PTK7: variants seen among roughly 807,000 people sequenced by gnomAD.
PTK7 encodes the protein protein tyrosine kinase 7 (inactive), also known as inactive tyrosine-protein kinase 7.
In PTK7, 39 loss-of-function variants were observed where a neutral mutation model predicts 116.6. That is an observed-to-expected ratio of 0.33 (90% CI 0.26 to 0.44). The LOEUF (loss-of-function observed/expected upper bound fraction) is 0.44. Among genes scored for constraint, PTK7 ranks in the 20% least tolerant of loss-of-function variants. The pLI is 1.00. For missense variants in PTK7, 1,169 were observed against 1,425.6 expected, an observed-to-expected ratio of 0.82 and a Z score of 2.90; for synonymous variants, 546 against 563.6, an observed-to-expected ratio of 0.97 and a Z score of 0.44.
In PTK7 at chr6:43,139,469, C is replaced by A; in HGVS notation, c.1562C>A (p.Thr521Lys). 1 of 1,614,220 alleles carries A rather than the reference C, an allele frequency of 6.2e-7. No individual in the cohort carries two copies. The highest frequency in any genetic ancestry group is 8.5e-7 in the Non-Finnish European group (1 of 1,180,040). Reference protein sequence around the residue: ...QQCMEFDKEATVPCSATGREK... With the variant: ...QQCMEFDKEAKVPCSATGREK... The stretch of plus-strand genomic sequence containing the variant: ...TGCATGGAGTTTGACAAGGAGGCCA[C>A]GGTGCCCTGTTCAGCCACAGGCCGA... Residue 521 changes from threonine (T) to lysine (K), a missense_variant, in exon 10 of 20, where the codon ACG (threonine) becomes AAG (lysine). By Grantham distance (78) the Thr-to-Lys change is moderately conservative. Coordinates refer to ENST00000230419, the MANE Select transcript of PTK7 (RefSeq NM_002821.5). The surrounding 1 kb of genome is among the most constrained non-coding windows in gnomAD (Gnocchi z 4.6).
chr6:43,130,219 C>T lies in PTK7; in HGVS notation c.471-11C>T. ...CCCTCCCCACCACTGCTGACTGTGT[C>T]TGCCCTGCAGGCCCACCTACCAATG... On this transcript the variant is annotated splice_polypyrimidine_tract_variant and intron_variant, in intron 3 of 19. Coordinates refer to ENST00000230419, the MANE Select transcript of PTK7 (RefSeq NM_002821.5). 1 of 1,560,294 alleles carries T rather than the reference C, an allele frequency of 6.4e-7. No individual in the cohort carries two copies. Among genetic ancestry groups the T allele is most frequent in the Non-Finnish European group, 8.7e-7 (1 of 1,148,896 alleles).
At chr6:43,126,529 G>C (rs534446694) in intron 1 of PTK7, among the ~76,000 whole-genome samples, 1 of 152,282 alleles carries the variant, frequency 6.6e-6, no homozygotes, top group Non-Finnish European at 1.5e-5. Context: ...GTCTGCAAGA[G>C]GTGTGTCCAC....
chr6:43,102,023 C>T (rs1767611432), intron 1 of PTK7, among the ~76,000 whole-genome samples: 1 of 151,614 alleles, frequency 6.6e-6, no homozygotes, highest in African/African-American at 2.4e-5. Context: ...TGGTGAGACC[C>T]CGTTTCTACT....
chr6:43,158,994 G>C, intron 18 of PTK7, 26 bp downstream of exon 18: 1 of 1,610,588 alleles, frequency 6.2e-7, no homozygotes. Flanking sequence ...TGGGGTGGGG[G>C]CTCCCCATTT....
intron 18 of PTK7, 104 bp downstream of exon 18, chr6:43,159,072 T>A: frequency 6.9e-7 from 1 of 1,439,124 alleles, no homozygotes; most frequent in Non-Finnish European, 9.5e-7. Context: ...AGTGCCTGCT[T>A]AGTCCAAAGC....
chr6:43,118,659 C>CTCTATATATA (rs1212636673), intron 1 of PTK7, among the ~76,000 whole-genome samples: 1 of 52,996 alleles, frequency 1.9e-5, no homozygotes, highest in Non-Finnish European at 3.5e-5. Flanking sequence ...CTCTCTCTCT[C>CTCTATATATA]TATATATATA....
chr6:43,115,436 C>G (rs941888383), intron 1 of PTK7, among the ~76,000 whole-genome samples: 6 of 152,202 alleles, frequency 3.9e-5, no homozygotes, highest in African/African-American at 1.4e-4. Flanking sequence ...TGTCCTCATC[C>G]CCCTGTGCCC....
chr6:43,124,464 G>C (rs944243303), intron 1 of PTK7, among the ~76,000 whole-genome samples: 1 of 151,766 alleles, frequency 6.6e-6, no homozygotes, highest in South Asian at 2.1e-4. Flanking sequence ...TGGGAGGATC[G>C]CTTGAGCTAA....
At chr6:43,087,984 T>C (rs1217807016) in intron 1 of PTK7, among the ~76,000 whole-genome samples, 4 of 152,164 alleles carry the variant, frequency 2.6e-5, no homozygotes, top group Admixed American at 6.5e-5. Flanking sequence ...ACGATCTGCC[T>C]AGCACTACAG....
chr6:43,087,421 G>A (rs1044237504), intron 1 of PTK7, among the ~76,000 whole-genome samples: 5 of 152,090 alleles, frequency 3.3e-5, no homozygotes, highest in Non-Finnish European at 1.5e-5. Flanking sequence ...GGGACACTAG[G>A]GTCTCCAGGT....
chr6:43,129,304 C>A lies in PTK7; in HGVS notation c.367+40C>A. ...GGCTGTGCCCAGTCCCCCTGTCAGA[C>A]CCTCAATGACTGAGGCCTGGGGGAT... On this transcript the variant is annotated intron_variant, in intron 2 of 19. Coordinates refer to ENST00000230419, the MANE Select transcript of PTK7 (RefSeq NM_002821.5). The surrounding 1 kb of genome is among the most constrained non-coding windows in gnomAD (Gnocchi z 4.5). 7 of 1,608,138 alleles carry A rather than the reference C, an allele frequency of 4.4e-6. No homozygotes were observed. The highest frequency in any genetic ancestry group is 6.0e-6 in the Non-Finnish European group (7 of 1,175,828).
Position 43,076,838 on chromosome 6 carries a change from A to G in PTK7, c.79+271A>G. The G allele has an allele frequency of 2.8e-6, 4 of 1,437,384 alleles. No homozygotes were observed. The highest frequency in any genetic ancestry group is 2.7e-5 in the South Asian group (2 of 73,660). 89.0% of individuals were successfully genotyped at this position (1,437,384 alleles called of 1,614,324 possible). ...CCCTGAGTTTTTCTGGTCTGAGCCG[A>G]GAGTTTGCTCGAGAACTGCCGAGAG... On this transcript the variant is annotated intron_variant, in intron 1 of 19. Coordinates refer to ENST00000230419, the MANE Select transcript of PTK7 (RefSeq NM_002821.5). The surrounding 1 kb of genome is among the most constrained non-coding windows in gnomAD (Gnocchi z 5.7).
At chr6:43,100,662 ACTG>A (rs929544688) in intron 1 of PTK7, among the ~76,000 whole-genome samples, 1 of 152,172 alleles carries the variant, frequency 6.6e-6, no homozygotes, top group African/African-American at 2.4e-5. Context: ...TTTCCAAAAT[ACTG>A]CAGATTGTGA....
chr6:43,084,171 C>T, intron 1 of PTK7, among the ~76,000 whole-genome samples: 1 of 152,164 alleles, frequency 6.6e-6, no homozygotes, highest in Admixed American at 6.5e-5. Flanking sequence ...CACTCTGTCA[C>T]CCAGGTTGGA....
chr6:43,134,547 C>T (rs574556051), intron 7 of PTK7, among the ~76,000 whole-genome samples: 155 of 151,790 alleles, frequency 1.0e-3, no homozygotes, highest in African/African-American at 3.4e-3. Flanking sequence ...TTTGGGAGGC[C>T]GAGGTGGGTG....
chr6:43,119,389 C>G (rs1322940990), intron 1 of PTK7, among the ~76,000 whole-genome samples: 1 of 152,178 alleles, frequency 6.6e-6, no homozygotes, highest in Non-Finnish European at 1.5e-5. Context: ...GGTAGTGGTC[C>G]TGGCCTGTCT....
intron 1 of PTK7, among the ~76,000 whole-genome samples, chr6:43,095,525 C>CT (rs1767204249): frequency 6.6e-6 from 1 of 152,276 alleles, no homozygotes; most frequent in African/African-American, 2.4e-5. Flanking sequence ...TGCGTTGTCA[C>CT]TGAGGCCCAG....
chr6:43,090,760 C>T (rs1766902118), intron 1 of PTK7, among the ~76,000 whole-genome samples: 1 of 152,202 alleles, frequency 6.6e-6, no homozygotes, highest in African/African-American at 2.4e-5. Flanking sequence ...CCAATGAATC[C>T]TTCCTTCTTC....
Position 43,143,559 on chromosome 6 carries a change from C to T in PTK7, c.2190C>T (p.Cys730=). 1 of 1,613,786 alleles carries T rather than the reference C, an allele frequency of 6.2e-7. No individual in the cohort carries two copies. The highest frequency in any genetic ancestry group is 8.5e-7 in the Non-Finnish European group (1 of 1,180,032). The part of the protein sequence containing the change: ...LGLMFYCKKR[C]KAKRLQKQPE... ...TCATGTTCTACTGCAAGAAGCGCTG[C>T]AAAGCCAAGCGGCTGCAGAAGCAGC... The change falls in exon 14 of 20, where the codon TGC becomes TGT. Residue 730 remains cysteine (C), a synonymous_variant. Transcript: ENST00000230419. The surrounding 1 kb of genome is among the most constrained non-coding windows in gnomAD (Gnocchi z 4.2).
Sources: allele counts gnomAD v4.1 joint callset (sites outside exome capture counted in the v4.1 genomes callset), GRCh38; gene constraint gnomAD v4.1.1; non-coding constraint Gnocchi (gnomAD v3.1); transcripts MANE v1.5; gene names NCBI Gene and HGNC (gene_info 2026-07-23, HGNC 2026-07-21).